The following ANKS1A variants were observed in gnomAD, a reference collection of about 807,000 sequenced individuals.
ANKS1A encodes ankyrin repeat and SAM domain-containing protein 1A.
In ANKS1A, 55 loss-of-function variants were observed where a neutral mutation model predicts 120.3. The ratio of observed to expected loss-of-function variants is 0.46; its 90% CI spans 0.37 to 0.57. ANKS1A has a LOEUF of 0.57. Among genes scored for constraint, ANKS1A ranks in the 20% least tolerant of loss-of-function variants. The pLI, the probability that ANKS1A is intolerant of heterozygous loss-of-function variation, is 0.00. For missense variants in ANKS1A, 1,123 were observed against 1,480.3 expected (o/e 0.76, Z 3.96); for synonymous variants, 590 against 604.7 (o/e 0.98, Z 0.36).
At chr6:34,967,790 CTT>C (rs1770977410) in intron 2 of ANKS1A, among the ~76,000 whole-genome samples, 1 of 152,026 alleles carries the variant, frequency 6.6e-6, no homozygotes, top group Non-Finnish European at 1.5e-5. Flanking sequence ...ATTTCTGTGT[CTT>C]TCTTTCATGT....
chr6:34,996,597 C>T (rs567776605), intron 10 of ANKS1A, among the ~76,000 whole-genome samples: 4 of 152,120 alleles, frequency 2.6e-5, no homozygotes, highest in South Asian at 2.1e-4. Context: ...CTCAGCCTCC[C>T]GAGTAGCTGA....
chr6:35,031,757 A>G lies in ANKS1A; in HGVS notation c.2010+13698A>G, dbSNP rs939848005. 8.5e-5 allele frequency among the ~76,000 whole-genome samples: 13 copies of G among 152,256 alleles called. No individual in the cohort carries two copies. In the East Asian group the frequency reaches 1.2e-3, roughly 14 times the overall value. On this transcript the variant is annotated intron_variant, in intron 11 of 23. Coordinates refer to ENST00000360359, the MANE Select transcript of ANKS1A (RefSeq NM_015245.3). ...AAAACATCCTTGCTTCCCTATTGCT[A>G]TGGTTCAGAGTCCAGACTCCTTAGC...
chr6:35,037,169 G>A (rs1402766673), intron 11 of ANKS1A, among the ~76,000 whole-genome samples: 1 of 152,156 alleles, frequency 6.6e-6, no homozygotes, highest in African/African-American at 2.4e-5. Context: ...ATGAAAAGCA[G>A]GTCATATAAA....
intron 13 of ANKS1A, among the ~76,000 whole-genome samples, chr6:35,076,795 A>G (rs540623363): frequency 6.6e-6 from 1 of 152,056 alleles, no homozygotes; most frequent in East Asian, 1.9e-4. Flanking sequence ...ACGCCCGGCT[A>G]ATTTTTTGTA....
At chr6:34,923,540 GTC>G (rs1768546987) in intron 1 of ANKS1A, among the ~76,000 whole-genome samples, 1 of 152,240 alleles carries the variant, frequency 6.6e-6, no homozygotes. Context: ...ATCTTATTCA[GTC>G]TGCACAGCAA....
At chr6:35,034,776 C>G (rs1469044483) in intron 11 of ANKS1A, among the ~76,000 whole-genome samples, 2 of 152,168 alleles carry the variant, frequency 1.3e-5, no homozygotes, top group Non-Finnish European at 2.9e-5. Context: ...TGGTCAGAGG[C>G]AGTCAGATCT....
At position 35,044,666 on chromosome 6, in the gene ANKS1A, G is replaced by A. The variant is rs1338609408; in HGVS notation, c.2011-9433G>A. Among the ~76,000 whole-genome samples the A allele has an allele frequency of 6.6e-6, 1 of 152,206 alleles. No homozygotes were observed. Among genetic ancestry groups the A allele is most frequent in the East Asian group, 1.9e-4 (1 of 5,200 alleles). On this transcript the variant is annotated intron_variant, in intron 11 of 23. Transcript: ENST00000360359. The surrounding 1 kb of genome is among the most constrained non-coding windows in gnomAD (Gnocchi z 4.4). Reference sequence around the variant, plus strand: ...GCCTCCAGCTGAGTGTCCAGGAAGTGAGCTATTGTTCACACAACATGTTCT... The same window carrying A: ...GCCTCCAGCTGAGTGTCCAGGAAGTAAGCTATTGTTCACACAACATGTTCT...
chr6:34,916,856 C>T (rs1041640145), intron 1 of ANKS1A, among the ~76,000 whole-genome samples: 2 of 152,202 alleles, frequency 1.3e-5, no homozygotes, highest in Non-Finnish European at 2.9e-5. Context: ...CCATCGTGGT[C>T]TGTCACTCAG....
At chr6:34,896,482 G>A (rs1372435654) in intron 1 of ANKS1A, among the ~76,000 whole-genome samples, 1 of 152,134 alleles carries the variant, frequency 6.6e-6, no homozygotes, top group Non-Finnish European at 1.5e-5. Context: ...AAAGCAGAGT[G>A]TGGTTCCCAT....
At chr6:34,928,337 G>A (rs2127471415) in intron 1 of ANKS1A, among the ~76,000 whole-genome samples, 1 of 152,220 alleles carries the variant, frequency 6.6e-6, no homozygotes, top group East Asian at 1.9e-4. Context: ...AAAAGACTCG[G>A]AGCTTCATGC....
intron 1 of ANKS1A, among the ~76,000 whole-genome samples, chr6:34,910,875 A>AC (rs1767877755): frequency 6.7e-6 from 1 of 149,278 alleles, no homozygotes; most frequent in Non-Finnish European, 1.5e-5. Context: ...AAAAAAAAAA[A>AC]GAAAGAAAGA....
intron 17 of ANKS1A, 100 bp downstream of exon 17, chr6:35,081,258 T>C: frequency 7.1e-7 from 1 of 1,411,122 alleles, no homozygotes; most frequent in Non-Finnish European, 9.3e-7. Flanking sequence ...TTGAGCACAG[T>C]TGGGCTGGCA....
chr6:34,977,452 C>T (rs1771661712), intron 3 of ANKS1A, among the ~76,000 whole-genome samples: 1 of 151,068 alleles, frequency 6.6e-6, no homozygotes, highest in Admixed American at 6.6e-5. Flanking sequence ...TGAGAACCAC[C>T]AATTTAGGCC....
chr6:35,093,007 C>T (rs527559552), downstream of ANKS1A, among the ~76,000 whole-genome samples: 7 of 152,032 alleles, frequency 4.6e-5, no homozygotes, highest in African/African-American at 1.7e-4. Flanking sequence ...TTCCTGAACC[C>T]AGAGGGTATC....
chr6:34,943,578 T>A (rs2127485882), intron 1 of ANKS1A, among the ~76,000 whole-genome samples: 1 of 152,338 alleles, frequency 6.6e-6, no homozygotes, highest in African/African-American at 2.4e-5. Flanking sequence ...GTGCTCCATC[T>A]ATTCACCTGT....
At chr6:34,936,557 G>C (rs1769267676) in intron 1 of ANKS1A, among the ~76,000 whole-genome samples, 1 of 152,136 alleles carries the variant, frequency 6.6e-6, no homozygotes, top group Non-Finnish European at 1.5e-5. Context: ...CCATTGCCAG[G>C]CCTTTTATGA....
intron 3 of ANKS1A, among the ~76,000 whole-genome samples, chr6:34,972,006 T>C (rs554884978): frequency 6.6e-6 from 1 of 152,360 alleles, no homozygotes; most frequent in South Asian, 2.1e-4. Flanking sequence ...TGGTCATTTC[T>C]CTTCTCTGGA....
At chr6:35,043,846 TG>T (rs1428862036) in intron 11 of ANKS1A, among the ~76,000 whole-genome samples, 1 of 152,238 alleles carries the variant, frequency 6.6e-6, no homozygotes, top group African/African-American at 2.4e-5. Context: ...ATTTCCAGTT[TG>T]TTTCTTAAAA....
chr6:35,069,957 G>A (rs1053086808), intron 13 of ANKS1A, among the ~76,000 whole-genome samples: 37 of 150,490 alleles, frequency 2.5e-4, no homozygotes, highest in African/African-American at 8.8e-4. Context: ...AACCTGGGAG[G>A]TGGAAGTTGC....
Sources: allele counts gnomAD v4.1 joint callset (sites outside exome capture counted in the v4.1 genomes callset), GRCh38; gene constraint gnomAD v4.1.1; non-coding constraint Gnocchi (gnomAD v3.1); transcripts MANE v1.5; gene names NCBI Gene and HGNC (gene_info 2026-07-23, HGNC 2026-07-21).